Variants in DLGAP3 observed in about 807,000 individuals in gnomAD.
DLGAP3 encodes DLG associated protein 3.
Under a neutral mutation model 81.2 loss-of-function variants are expected in DLGAP3, and 17 were observed. That is an observed-to-expected ratio of 0.21 (90% CI 0.14 to 0.31). DLGAP3 has a LOEUF of 0.31. Ranked by LOEUF, DLGAP3 falls within the 10% of genes least tolerant of loss-of-function variation. The pLI is 1.00. For synonymous variants in DLGAP3, 577 were observed against 587.4 expected (o/e 0.98, Z 0.26); for missense variants, 1,124 against 1,388.0 (o/e 0.81, Z 3.02).
At position 34,868,559 on chromosome 1, in the gene DLGAP3, G is replaced by C. The variant is rs780831031; in HGVS notation, c.2485+46C>G. 7.1e-6 allele frequency: 11 copies of C among 1,544,086 alleles called. No individual in the cohort carries two copies. The highest frequency in any genetic ancestry group is 9.8e-6 in the Non-Finnish European group (11 of 1,120,046). On this transcript the variant is annotated intron_variant, in intron 9 of 11. Coordinates refer to ENST00000373347, the MANE Select transcript of DLGAP3 (RefSeq NM_001080418.3). The surrounding 1 kb of genome is among the most constrained non-coding windows in gnomAD (Gnocchi z 7.5). ...CCATCAGGGTCTCCTGAGCACACAC[G>C]AGGCCATGGTCCCCAGAGTCCCCTT...
intron 4 of DLGAP3, 56 bp from the exon 5 acceptor site, chr1:34,899,797 G>A (rs1639427663): frequency 1.9e-6 from 3 of 1,548,454 alleles, no homozygotes; most frequent in Non-Finnish European, 2.7e-6. Flanking sequence ...AGGTGGGGGA[G>A]GGGAGATAAT....
chr1:34,917,949 G>A (rs1394806283), intron 1 of DLGAP3, among the ~76,000 whole-genome samples: 5 of 152,164 alleles, frequency 3.3e-5, no homozygotes, highest in Non-Finnish European at 7.3e-5. Context: ...TACTGAGCTG[G>A]AGAAACTAAA....
intron 5 of DLGAP3, among the ~76,000 whole-genome samples, chr1:34,892,476 C>T (rs1371081700): frequency 6.6e-6 from 1 of 152,114 alleles, no homozygotes; most frequent in African/African-American, 2.4e-5. Context: ...TAGCCAAAAA[C>T]TTTCCTTTTG....
intron 8 of DLGAP3, among the ~76,000 whole-genome samples, chr1:34,876,290 GTC>G (rs1285300924): frequency 3.3e-5 from 5 of 152,228 alleles, no homozygotes; most frequent in Non-Finnish European, 7.3e-5. Context: ...GGGACAATAA[GTC>G]CAAAATCCTC....
intron 5 of DLGAP3, among the ~76,000 whole-genome samples, chr1:34,891,019 T>C (rs1348584481): frequency 2.0e-5 from 3 of 152,136 alleles, no homozygotes; most frequent in African/African-American, 7.2e-5. Context: ...AACTTTTAAA[T>C]GATGTTTAAA....
chr1:34,908,640 T>C (rs1484167443), intron 1 of DLGAP3, among the ~76,000 whole-genome samples: 1 of 152,130 alleles, frequency 6.6e-6, no homozygotes, highest in Non-Finnish European at 1.5e-5. Context: ...GCGTGATTAA[T>C]AGTAGTGGAA....
chr1:34,885,822 G>C, intron 6 of DLGAP3, 31 bp from the exon 7 acceptor site: 1 of 1,392,098 alleles, frequency 7.2e-7, no homozygotes, highest in Non-Finnish European at 9.3e-7. Context: ...GACGCAGTGG[G>C]TGAGGCTCGC....
chr1:34,899,599 G>A (rs1639424195), intron 5 of DLGAP3, 70 bp downstream of exon 5: 3 of 1,351,862 alleles, frequency 2.2e-6, no homozygotes, highest in South Asian at 1.2e-5. Context: ...CTGATTTTAA[G>A]TCCTAAGCTG....
chr1:34,910,620 TG>T (rs1557496238), intron 1 of DLGAP3, among the ~76,000 whole-genome samples: 1 of 152,204 alleles, frequency 6.6e-6, no homozygotes, highest in Non-Finnish European at 1.5e-5. Flanking sequence ...TTCCCCCTGT[TG>T]GGAAAGCTTT....
intron 5 of DLGAP3, among the ~76,000 whole-genome samples, chr1:34,887,115 CG>C (rs1175301751): frequency 4.6e-5 from 7 of 151,874 alleles, no homozygotes; most frequent in African/African-American, 1.7e-4. Context: ...CCACGACGCC[CG>C]GCTAATTTTT....
intron 1 of DLGAP3, among the ~76,000 whole-genome samples, chr1:34,911,332 C>A (rs1315494822): frequency 6.6e-6 from 1 of 152,188 alleles, no homozygotes; most frequent in Non-Finnish European, 1.5e-5. Context: ...AGCCTTTTCC[C>A]ATGTGTGGTG....
In DLGAP3 at chr1:34,904,128, T is replaced by C; in HGVS notation, c.1107+149A>G. 2 of 911,576 alleles carry C rather than the reference T, an allele frequency of 2.2e-6. No individual in the cohort carries two copies. Among genetic ancestry groups the C allele is most frequent in the East Asian group, 4.8e-5 (2 of 41,570 alleles). The allele number at this position is 911,576 out of a possible 1,614,324, so 56.5% of individuals were successfully genotyped here. A position where few individuals can be genotyped will look rare whatever the true frequency, so the allele number is the denominator to read the frequency against. ...AGTGAAGCCCCAAAGGAGCTCAGAG[T>C]GACCCAATGGGGCAGGGCAGAGCCT... On this transcript the variant is annotated intron_variant, in intron 3 of 11. Coordinates refer to ENST00000373347, the MANE Select transcript of DLGAP3 (RefSeq NM_001080418.3). This position sits in a 1 kb window ranked among gnomAD's most constrained non-coding sequence, Gnocchi z 8.1.
chr1:34,899,667 A>G lies in DLGAP3; in HGVS notation c.1386+2T>C. On this transcript the variant is annotated splice_donor_variant, in intron 5 of 11. Coordinates refer to ENST00000373347, the MANE Select transcript of DLGAP3 (RefSeq NM_001080418.3). LOFTEE classifies it high-confidence loss of function. ...CTCCAGGCATACTGGGCCTCTCCCT[A>G]CCTGTCCAGTGGTGAGGGAACGGCT... is the stretch of plus-strand genomic sequence containing the variant. The G allele has an allele frequency of 6.2e-7, 1 of 1,611,192 alleles. No homozygotes were observed. Among genetic ancestry groups the G allele is most frequent in the Non-Finnish European group, 8.5e-7 (1 of 1,177,696 alleles).
chr1:34,869,835 G>C (rs932063002), intron 8 of DLGAP3, among the ~76,000 whole-genome samples: 1 of 152,306 alleles, frequency 6.6e-6, no homozygotes, highest in Non-Finnish European at 1.5e-5. Flanking sequence ...AGCTGCACTA[G>C]AGTGTCCTCA....
chr1:34,886,293 G>C lies in DLGAP3; in HGVS notation c.1387-8C>G, dbSNP rs1236919503. ...GTTCAACTCATCGCTGAGCTGGGGG[G>C]CAGGGGGTCGGGAGGACAGTTATAA... On this transcript the variant is annotated splice_region_variant and splice_polypyrimidine_tract_variant and intron_variant, in intron 5 of 11. Coordinates refer to ENST00000373347, the MANE Select transcript of DLGAP3 (RefSeq NM_001080418.3). The C allele has an allele frequency of 6.4e-7, 1 of 1,569,484 alleles. No individual in the cohort carries two copies. Among genetic ancestry groups the C allele is most frequent in the African/African-American group, 1.4e-5 (1 of 73,990 alleles).
chr1:34,910,318 G>A (rs1639619525), intron 1 of DLGAP3, among the ~76,000 whole-genome samples: 1 of 152,196 alleles, frequency 6.6e-6, no homozygotes, highest in African/African-American at 2.4e-5. Context: ...TCTCCTGCCT[G>A]CATGTCTGCA....
At chr1:34,912,504 C>T (rs1639654189) in intron 1 of DLGAP3, among the ~76,000 whole-genome samples, 1 of 152,218 alleles carries the variant, frequency 6.6e-6, no homozygotes, top group Non-Finnish European at 1.5e-5. Context: ...ACGATCCAAA[C>T]AGCAGCAAAA....
At chr1:34,908,507 T>C (rs1557494513) in intron 1 of DLGAP3, among the ~76,000 whole-genome samples, 1 of 151,260 alleles carries the variant, frequency 6.6e-6, no homozygotes, top group African/African-American at 2.5e-5. Context: ...TGGCAAATAG[T>C]GGGAATAGGA....
chr1:34,868,772 G>T lies in DLGAP3; in HGVS notation c.2318C>A (p.Ser773Tyr). Residue 773 changes from serine (S) to tyrosine (Y), a missense_variant, in exon 9 of 12, where the codon TCC (serine) becomes TAC (tyrosine). By Grantham distance (144) the Ser-to-Tyr change is moderately radical. This residue lies in a region of DLGAP3 where 379 missense variants were observed against 455.7 expected (regional missense o/e 0.83). Transcript: ENST00000373347. The surrounding 1 kb of genome is among the most constrained non-coding windows in gnomAD (Gnocchi z 7.5). ...GCTACGTGAACCGCGCTCTATCCAGGAGTCACGGCGGCCGGCCCCAGGGCC... is the reference window on the plus strand; with the variant it reads ...GCTACGTGAACCGCGCTCTATCCAGTAGTCACGGCGGCCGGCCCCAGGGCC... ...TPGPGAGRRDSWIERGSRSLP... is the reference protein window; with the variant it reads ...TPGPGAGRRDYWIERGSRSLP... 1 of 1,598,040 alleles carries T rather than the reference G, an allele frequency of 6.3e-7. No homozygotes were observed.
Sources: gnomAD v4.1 joint callset for allele counts (sites outside exome capture counted in the v4.1 genomes callset) on GRCh38, gnomAD v4.1.1 for gene constraint, gnomAD v4.1.1 regional missense constraint, Gnocchi (gnomAD v3.1) non-coding constraint, MANE v1.5 for transcripts, NCBI Gene and HGNC (gene_info 2026-07-23, HGNC 2026-07-21) for gene names.